The following SPOCK1 variants were observed in gnomAD, a reference collection of about 807,000 sequenced individuals.
SPOCK1 encodes the protein testican-1.
In SPOCK1, 23 loss-of-function variants were observed where a neutral mutation model predicts 55.3. The observed-to-expected ratio is 0.42, with a 90% CI of 0.30 to 0.59. The LOEUF is 0.59. SPOCK1 is among the 20% of genes least tolerant of loss of function. The pLI, the probability that SPOCK1 is intolerant of heterozygous loss-of-function variation, is 0.22. For synonymous variants in SPOCK1, 226 were observed against 221.0 expected, an observed-to-expected ratio of 1.02 and a Z score of -0.20; for missense variants, 499 against 552.5, an observed-to-expected ratio of 0.90 and a Z score of 0.97.
intron 6 of SPOCK1, among the ~76,000 whole-genome samples, chr5:136,993,365 G>A (rs1039692594): frequency 6.6e-6 from 1 of 152,090 alleles, no homozygotes; most frequent in Non-Finnish European, 1.5e-5. Context: ...AAATCCCAAA[G>A]GAATAAAAAT....
At chr5:137,171,366 G>A (rs1394795433) in intron 3 of SPOCK1, among the ~76,000 whole-genome samples, 1 of 152,042 alleles carries the variant, frequency 6.6e-6, no homozygotes, top group African/African-American at 2.4e-5. Context: ...TCATATCTAT[G>A]CCCCCACTGA....
intron 3 of SPOCK1, among the ~76,000 whole-genome samples, chr5:137,143,012 CT>C (rs1437815238): frequency 3.9e-5 from 6 of 152,354 alleles, no homozygotes; most frequent in African/African-American, 1.4e-4. Flanking sequence ...GGCGTTTCTG[CT>C]GCTTGAACAG....
intron 2 of SPOCK1, among the ~76,000 whole-genome samples, chr5:137,461,541 G>A (rs929534715): frequency 5.9e-5 from 9 of 152,178 alleles, no homozygotes; most frequent in South Asian, 4.1e-4. Flanking sequence ...ACTTAAGGGC[G>A]GGAGAGACAA....
At chr5:137,104,546 C>T (rs1753329533) in intron 5 of SPOCK1, among the ~76,000 whole-genome samples, 1 of 152,236 alleles carries the variant, frequency 6.6e-6, no homozygotes, top group Admixed American at 6.5e-5. Context: ...GGTCTGTGGT[C>T]TGTTAGGAAC....
chr5:137,278,203 T>C (rs1468204529), intron 2 of SPOCK1, among the ~76,000 whole-genome samples: 2 of 152,216 alleles, frequency 1.3e-5, no homozygotes, highest in African/African-American at 4.8e-5. Context: ...CTGTCCTAGC[T>C]GCCACCTTGC....
chr5:137,024,721 G>A (rs141138201), intron 6 of SPOCK1, among the ~76,000 whole-genome samples: 198 of 152,128 alleles, frequency 1.3e-3, no homozygotes, highest in African/African-American at 4.5e-3. Context: ...AGTTAAGACT[G>A]GAGGCATCCA....
intron 3 of SPOCK1, among the ~76,000 whole-genome samples, chr5:137,153,540 G>A (rs576509510): frequency 6.6e-6 from 1 of 152,208 alleles, no homozygotes; most frequent in African/African-American, 2.4e-5. Flanking sequence ...TAGTAGAGAT[G>A]TGATAAGAAA....
chr5:137,157,215 A>T (rs1424960404), intron 3 of SPOCK1, among the ~76,000 whole-genome samples: 2 of 152,178 alleles, frequency 1.3e-5, no homozygotes, highest in East Asian at 3.9e-4. Flanking sequence ...AAACAACCAC[A>T]CTGCTCAAAT....
chr5:137,481,720 C>T (rs974586626), intron 2 of SPOCK1, among the ~76,000 whole-genome samples: 6 of 152,160 alleles, frequency 3.9e-5, no homozygotes, highest in Admixed American at 6.5e-5. Flanking sequence ...GGAGTAGCAA[C>T]GTCAGCTGCA....
At chr5:137,313,193 C>A (rs534246497) in intron 2 of SPOCK1, among the ~76,000 whole-genome samples, 6 of 152,110 alleles carry the variant, frequency 3.9e-5, no homozygotes, top group Non-Finnish European at 7.4e-5. Context: ...TCCTAAAAGC[C>A]CAGTGGAGAT....
chr5:137,339,899 T>C (rs1022510961), intron 2 of SPOCK1, among the ~76,000 whole-genome samples: 9 of 152,166 alleles, frequency 5.9e-5, no homozygotes, highest in Non-Finnish European at 1.3e-4. Flanking sequence ...GACAGCACCC[T>C]CTAAGCCTGA....
Position 137,436,324 on chromosome 5 carries a change from T to C in SPOCK1, c.186+62049A>G, listed in dbSNP as rs148855315. Among the ~76,000 whole-genome samples the C allele has an allele frequency of 3.4e-3, 517 of 152,338 alleles. 2 individuals are homozygous for C. Among genetic ancestry groups the C allele is most frequent in the African/African-American group, 0.011 (457 of 41,580 alleles). ...TCAAATCAAAATTTATTTTGGTATATAGGGTGAGGAAAGGCTCTAATCCCA... is the reference window on the plus strand; with the variant it reads ...TCAAATCAAAATTTATTTTGGTATACAGGGTGAGGAAAGGCTCTAATCCCA... On this transcript the variant is annotated intron_variant, in intron 2 of 10. Transcript: ENST00000394945.
intron 2 of SPOCK1, among the ~76,000 whole-genome samples, chr5:137,417,703 T>C (rs760265561): frequency 2.6e-5 from 4 of 152,228 alleles, no homozygotes; most frequent in Non-Finnish European, 5.9e-5. Flanking sequence ...TTTGTTCTTA[T>C]GCATATCTCA....
chr5:137,165,048 G>A (rs1310088749), intron 3 of SPOCK1, among the ~76,000 whole-genome samples: 1 of 152,186 alleles, frequency 6.6e-6, no homozygotes, highest in East Asian at 1.9e-4. Flanking sequence ...TGCTGATTGG[G>A]GAGCCCCAGG....
intron 2 of SPOCK1, among the ~76,000 whole-genome samples, chr5:137,433,698 C>T (rs1752797543): frequency 6.6e-6 from 1 of 152,178 alleles, no homozygotes; most frequent in African/African-American, 2.4e-5. Context: ...CTTTATCATG[C>T]ATGCTCCCAG....
intron 5 of SPOCK1, among the ~76,000 whole-genome samples, chr5:137,081,338 A>C (rs10477790): frequency 0.025 from 3,872 of 152,316 alleles, 79 homozygotes; most frequent in African/African-American, 0.056. Context: ...AAAGTGATAG[A>C]GAGGCAGTAT....
chr5:137,098,476 C>T (rs761913289), intron 5 of SPOCK1, among the ~76,000 whole-genome samples: 1 of 152,180 alleles, frequency 6.6e-6, no homozygotes, highest in Admixed American at 6.5e-5. Flanking sequence ...TTTAAAGAGA[C>T]CACCCTGGAA....
At chr5:137,378,110 A>C (rs1751368131) in intron 2 of SPOCK1, among the ~76,000 whole-genome samples, 1 of 151,896 alleles carries the variant, frequency 6.6e-6, no homozygotes, top group Non-Finnish European at 1.5e-5. Context: ...ACATCCGGCT[A>C]CTTTTGTATT....
intron 6 of SPOCK1, among the ~76,000 whole-genome samples, chr5:137,000,323 G>A (rs760041806): frequency 6.6e-6 from 1 of 152,194 alleles, no homozygotes; most frequent in Non-Finnish European, 1.5e-5. Context: ...CCTTAGAGCA[G>A]TGATGAGTTG....
Sources: gnomAD v4.1 joint callset for allele counts (sites outside exome capture counted in the v4.1 genomes callset) on GRCh38, gnomAD v4.1.1 for gene constraint, MANE v1.5 for transcripts, NCBI Gene and HGNC (gene_info 2026-07-23, HGNC 2026-07-21) for gene names.